C4orf51: variants seen among roughly 807,000 people sequenced by gnomAD.
The protein encoded by C4orf51 is chromosome 4 open reading frame 51, also known as uncharacterized protein C4orf51.
C4orf51 carries 25 observed loss-of-function variants against 25.2 expected under a neutral mutation model. That is an observed-to-expected ratio of 0.99 (90% CI 0.72 to 1.39). The LOEUF (loss-of-function observed/expected upper bound fraction) is 1.39. C4orf51 is among the 40% of genes most tolerant of loss of function. The pLI is 0.00. For missense variants in C4orf51, 252 were observed against 239.6 expected, an observed-to-expected ratio of 1.05 and a Z score of -0.34; for synonymous variants, 100 against 84.5, an observed-to-expected ratio of 1.18 and a Z score of -1.01.
intron 1 of C4orf51, among the ~76,000 whole-genome samples, chr4:145,683,377 T>A (rs1728949760): frequency 6.6e-6 from 1 of 152,122 alleles, no homozygotes; most frequent in African/African-American, 2.4e-5. Context: ...ATCCAACAGG[T>A]TAGTTTCTGA....
In C4orf51 at chr4:145,680,508, G is replaced by A. The variant is rs551100059; in HGVS notation, c.233+72G>A. The A allele has an allele frequency of 2.2e-5, 25 of 1,149,174 alleles. No individual in the cohort carries two copies. The South Asian group carries it at 3.2e-4, about 15-fold the overall frequency. The allele number at this position is 1,149,174 out of a possible 1,614,324, so 71.2% of individuals were successfully genotyped here. ...ACAAGAGTGCTCTTAGAAGAAAGAG[G>A]TATTGTAGACCCTGAGAGACTTCAT... On this transcript the variant is annotated intron_variant, in intron 1 of 5. Transcript: ENST00000438731.
downstream of C4orf51, among the ~76,000 whole-genome samples, chr4:145,755,404 G>A (rs1212311188): frequency 2.6e-5 from 4 of 152,172 alleles, no homozygotes; most frequent in Non-Finnish European, 5.9e-5. Flanking sequence ...CTCTGCTCCA[G>A]GTTTATAATT....
rs146692398 is a variant in C4orf51, at chr4:145,680,422, G to T, written c.219G>T (p.Glu73Asp). Residue 73 changes from glutamate to aspartate, a missense_variant, in exon 1 of 6, where the codon GAG becomes GAT. Transcript: ENST00000438731. ...TTTCTTTTAGAGCAGGACAGCATGAGCCTGAGTGTAAACAGTAAGATTTCT... is the reference window on the plus strand; with the variant it reads ...TTTCTTTTAGAGCAGGACAGCATGATCCTGAGTGTAAACAGTAAGATTTCT... The part of the protein sequence containing the change: ...SQFSFRAGQH[E>D]PECKQMSLTN... The T allele has an allele frequency of 2.5e-6, 4 of 1,613,246 alleles. No homozygotes were observed. In the African/African-American group the frequency reaches 5.3e-5, roughly 22 times the overall value.
downstream of C4orf51, chr4:145,758,007 T>A (rs1464245856): frequency 6.6e-6 from 1 of 152,312 alleles, no homozygotes; most frequent in African/African-American, 2.4e-5. Context: ...AGGATATCTA[T>A]GGAATACATC....
At position 145,744,768 on chromosome 4, in the gene C4orf51, G is replaced by A. The variant is rs188794642; in HGVS notation, n.168-9439G>A. 4.6e-5 allele frequency among the ~76,000 whole-genome samples: 7 copies of A among 152,028 alleles called. No homozygotes were observed. The East Asian group carries it at 1.4e-3, about 30-fold the overall frequency. On this transcript the variant is annotated intron_variant and non_coding_transcript_variant, in intron 1 of 1. Transcript: ENST00000508981. ...CTCGGGAGGCTGAGGCAAGAGAATGGCGTGAACCCAGTGGGCGGAGCTTGC... is the reference window on the plus strand; with the variant it reads ...CTCGGGAGGCTGAGGCAAGAGAATGACGTGAACCCAGTGGGCGGAGCTTGC...
downstream of C4orf51, chr4:145,758,997 A>T (rs983490428): frequency 6.6e-6 from 1 of 152,248 alleles, no homozygotes; most frequent in South Asian, 2.1e-4. Context: ...AAGCAAACTG[A>T]CTAGAGGAAG....
At chr4:145,775,739 A>G (rs778756842), downstream of C4orf51, 1 of 1,606,416 alleles carries the variant, frequency 6.2e-7, no homozygotes, top group Admixed American at 1.7e-5. Flanking sequence ...GGAAGTGTTG[A>G]AGTCAAGAGT....
At chr4:145,788,809 G>A in the C4orf51 span, among the ~76,000 whole-genome samples, 1 of 152,190 alleles carries the variant, frequency 6.6e-6, no homozygotes. Context: ...CAATGTTGAG[G>A]CCATTTATAA....
chr4:145,785,524 C>T, the C4orf51 span, among the ~76,000 whole-genome samples: 1 of 152,142 alleles, frequency 6.6e-6, no homozygotes, highest in Non-Finnish European at 1.5e-5. Flanking sequence ...CAGGACCTCT[C>T]CTGCCCCAGA....
rs1341133942 is a variant in C4orf51 at position 145,729,947 on chromosome 4, GA to G, written c.486del (p.Gly163ValfsTer3). ...EALINYSRRG[K>X]GVLKHLHGRC... is the part of the protein sequence containing the mutation. ...CCCTGATAAACTACAGTCGACGAGG[GA>G]AAGGTGTCCTAAAGCATGTAAGAAT... On this transcript the variant is annotated frameshift_variant, in exon 5 of 6. Coordinates refer to ENST00000438731, the MANE Select transcript of C4orf51 (RefSeq NM_001080531.3). LOFTEE classifies it low-confidence loss of function (END_TRUNC). 6 of 1,613,824 alleles carry G rather than the reference GA, an allele frequency of 3.7e-6. No individual in the cohort carries two copies. The highest frequency in any genetic ancestry group is 5.1e-6 in the Non-Finnish European group (6 of 1,179,834).
chr4:145,719,268 G>C, intron 2 of C4orf51, among the ~76,000 whole-genome samples: 1 of 144,438 alleles, frequency 6.9e-6, no homozygotes, highest in East Asian at 2.1e-4. Flanking sequence ...TCTTCCAAAA[G>C]GAAACTTATA....
chr4:145,723,428 A>G (rs899419302), intron 2 of C4orf51, among the ~76,000 whole-genome samples: 1 of 152,040 alleles, frequency 6.6e-6, no homozygotes, highest in Non-Finnish European at 1.5e-5. Context: ...AGGAAAACAG[A>G]ATCACCGAGA....
At chr4:145,788,552 T>C in the C4orf51 span, among the ~76,000 whole-genome samples, 1 of 152,242 alleles carries the variant, frequency 6.6e-6, no homozygotes, top group East Asian at 1.9e-4. Context: ...ACTTCCAAGA[T>C]TAGTGGGATC....
chr4:145,696,725 G>A (rs1158518061), intron 2 of C4orf51, 93 bp downstream of exon 2: 8 of 919,506 alleles, frequency 8.7e-6, no homozygotes, highest in East Asian at 2.5e-5. Flanking sequence ...ACTTTACTGA[G>A]ATATGATTGA....
rs1733373423 is a variant in C4orf51 at position 145,746,371 on chromosome 4, A to G, written n.168-7836A>G. The stretch of plus-strand genomic sequence containing the variant: ...GATCTTAGATACTAGTCTTTAATCC[A>G]TTTTTATTTGATTTTTGTATATAGT... On this transcript the variant is annotated intron_variant and non_coding_transcript_variant, in intron 1 of 1. Coordinates refer to the C4orf51 transcript ENST00000508981. Among the ~76,000 whole-genome samples, 3 of 152,170 alleles carry G rather than the reference A, an allele frequency of 2.0e-5. No individual in the cohort carries two copies. In the South Asian group the frequency reaches 6.2e-4, roughly 32 times the overall value.
rs1240564607 is a variant in C4orf51, at chr4:145,761,045, C to T, written n.167-9943C>T. On this transcript the variant is annotated intron_variant and non_coding_transcript_variant, in intron 1 of 1. Coordinates refer to the C4orf51 transcript ENST00000510096. This position sits in a 1 kb window ranked among gnomAD's most constrained non-coding sequence, Gnocchi z 6.8. ...CTGCCGTGGGCTGCCGACAGGGCCA[C>T]GGTCTGCAGAGCCTGGGAGGCAGAC... 5 of 1,287,242 alleles carry T rather than the reference C, an allele frequency of 3.9e-6. No homozygotes were observed. The highest frequency in any genetic ancestry group is 2.3e-5 in the Admixed American group (1 of 43,420). The allele number at this position is 1,287,242 out of a possible 1,614,324, so 79.7% of individuals were successfully genotyped here.
intron 1 of C4orf51, among the ~76,000 whole-genome samples, chr4:145,688,220 A>G (rs1433358089): frequency 1.3e-5 from 2 of 149,446 alleles, no homozygotes; most frequent in African/African-American, 2.5e-5. Flanking sequence ...AAAAAAAAAA[A>G]GCACCTACAA....
chr4:145,681,977 T>C (rs543894916), intron 1 of C4orf51, among the ~76,000 whole-genome samples: 1 of 152,136 alleles, frequency 6.6e-6, no homozygotes, highest in Non-Finnish European at 1.5e-5. Flanking sequence ...CTGAAAATAG[T>C]GTTTGAAAGA....
intron 1 of C4orf51, among the ~76,000 whole-genome samples, chr4:145,745,320 A>ATTTTTTTT (rs374600935): frequency 6.7e-5 from 9 of 135,320 alleles, no homozygotes; most frequent in South Asian, 2.3e-4. Flanking sequence ...TTATTCATTC[A>ATTTTTTTT]TTTTTTTTTT....
Sources: allele counts gnomAD v4.1 joint callset (sites outside exome capture counted in the v4.1 genomes callset), GRCh38; gene constraint gnomAD v4.1.1; non-coding constraint Gnocchi (gnomAD v3.1); transcripts MANE v1.5; gene names NCBI Gene and HGNC (gene_info 2026-07-23, HGNC 2026-07-21).